Variants in MTOR observed in about 807,000 individuals in gnomAD.
MTOR encodes the protein mechanistic target of rapamycin kinase.
A neutral mutation model predicts 319.8 loss-of-function variants in MTOR; 70 were observed. The observed-to-expected ratio is 0.22, with a 90% CI of 0.18 to 0.27. The LOEUF (loss-of-function observed/expected upper bound fraction) is 0.27. MTOR is among the 10% of genes least tolerant of loss of function. The probability of loss-of-function intolerance (pLI) is 1.00; values close to 1 mark genes in which losing one functional copy is unlikely to be tolerated. For missense variants in MTOR, 1,890 were observed against 3,274.4 expected (o/e 0.58, Z 10.32); for synonymous variants, 1,183 against 1,211.4 (o/e 0.98, Z 0.49).
At chr1:11,122,502 ATT>A (rs35016135) in intron 47 of MTOR, among the ~76,000 whole-genome samples, 20 of 78,716 alleles carry the variant, frequency 2.5e-4, no homozygotes, top group South Asian at 2.0e-3. Flanking sequence ...ACCCAGCCCT[ATT>A]TTTTTTTTTT....
In MTOR at chr1:11,199,806, A is replaced by C; in HGVS notation, c.3945-103T>G. On this transcript the variant is annotated intron_variant, in intron 26 of 57. Coordinates refer to ENST00000361445, the MANE Select transcript of MTOR (RefSeq NM_004958.4). This position sits in a 1 kb window ranked among gnomAD's most constrained non-coding sequence, Gnocchi z 4.5. Reference sequence around the variant, plus strand: ...GCTTTTGGCATCACTGATTTTGGTTATACAAACCAGTGCTATACAGACCAG... The same window carrying C: ...GCTTTTGGCATCACTGATTTTGGTTCTACAAACCAGTGCTATACAGACCAG... 1.6e-6 allele frequency: 2 copies of C among 1,268,280 alleles called. No individual in the cohort carries two copies. The highest frequency in any genetic ancestry group is 2.7e-4 in the Middle Eastern group (1 of 3,738). The allele number at this position is 1,268,280 out of a possible 1,614,324, so 78.6% of individuals were successfully genotyped here. A position where few individuals can be genotyped will look rare whatever the true frequency, so the allele number is the denominator to read the frequency against.
intron 28 of MTOR, among the ~76,000 whole-genome samples, chr1:11,179,849 A>G (rs998055636): frequency 6.6e-5 from 10 of 152,200 alleles, no homozygotes; most frequent in African/African-American, 2.4e-4. Context: ...TCTACAAAGG[A>G]CACAGATTCT....
chr1:11,256,339 G>A (rs1297383323), intron 4 of MTOR, 147 bp from the exon 5 acceptor site: 2 of 1,443,152 alleles, frequency 1.4e-6, no homozygotes, highest in East Asian at 5.0e-5. Flanking sequence ...GAGGACAGAG[G>A]AAGGAAAGCA....
intron 28 of MTOR, among the ~76,000 whole-genome samples, chr1:11,176,897 C>T (rs981184103): frequency 6.6e-6 from 1 of 152,140 alleles, no homozygotes; most frequent in Admixed American, 6.6e-5. Flanking sequence ...AATCTGGGAA[C>T]AGGAGAATGG....
At chr1:11,249,796 GAA>G (rs550580427) in intron 6 of MTOR, among the ~76,000 whole-genome samples, 5,555 of 146,542 alleles carry the variant, frequency 0.038, 100 homozygotes, top group South Asian at 0.089. Context: ...AGAACAAAAT[GAA>G]AAGTCTCCCA....
At chr1:11,180,365 C>G (rs150326326) in intron 28 of MTOR, among the ~76,000 whole-genome samples, 83 of 152,290 alleles carry the variant, frequency 5.5e-4, no homozygotes, top group African/African-American at 1.9e-3. Flanking sequence ...AATATTGGCA[C>G]CCTGGAAACA....
chr1:11,119,739 T>C (rs1436223495), intron 49 of MTOR, among the ~76,000 whole-genome samples: 3 of 149,118 alleles, frequency 2.0e-5, no homozygotes, highest in Non-Finnish European at 3.0e-5. Context: ...GAGTAAGACC[T>C]TGTCTCAAAA....
At position 11,228,746 on chromosome 1, in the gene MTOR, G is replaced by T. The variant is rs761580064; in HGVS notation, c.2952C>A (p.Leu984=). 6.2e-7 allele frequency: 1 copy of T among 1,614,174 alleles called. No individual in the cohort carries two copies. The highest frequency in any genetic ancestry group is 2.2e-5 in the East Asian group (1 of 44,890). Residue 984 remains leucine, a synonymous_variant, in exon 19 of 58, where the codon CTC becomes CTA. Coordinates refer to ENST00000361445, the MANE Select transcript of MTOR (RefSeq NM_004958.4). ...AITFIFKSLG[L]KCVQFLPQVM... ...CCTGGGGCAGGAACTGCACACATTT[G>T]AGTCCCAGGGACTTGAAGATGAAGG...
intron 34 of MTOR, among the ~76,000 whole-genome samples, chr1:11,140,575 A>G (rs1452244812): frequency 6.6e-6 from 1 of 152,120 alleles, no homozygotes; most frequent in Non-Finnish European, 1.5e-5. Context: ...GCAGTTTGAG[A>G]GATGGTATAG....
chr1:11,151,120 C>T (rs1357758130), intron 30 of MTOR, among the ~76,000 whole-genome samples: 1 of 152,162 alleles, frequency 6.6e-6, no homozygotes, highest in Non-Finnish European at 1.5e-5. Context: ...CTGCTCTGCG[C>T]TCTAAGGTGG....
rs181108494 is a variant in MTOR at position 11,193,417 on chromosome 1, C to T, written c.4253+5841G>A. On this transcript the variant is annotated intron_variant, in intron 28 of 57. Transcript: ENST00000361445. ...GAGCAATGCACCACCCACCCCAGCT[C>T]ACCAGCAGTGGGGCAGCATCACTGC... 4.2e-3 allele frequency among the ~76,000 whole-genome samples: 640 copies of T among 152,340 alleles called. 6 individuals carry two copies. The highest frequency in any genetic ancestry group is 0.015 in the African/African-American group (603 of 41,584).
intron 34 of MTOR, among the ~76,000 whole-genome samples, chr1:11,143,097 C>T (rs1400213099): frequency 6.6e-6 from 1 of 152,152 alleles, no homozygotes; most frequent in East Asian, 1.9e-4. Flanking sequence ...ACAATGATTT[C>T]GAAAGTTAAA....
At chr1:11,138,969 GTATT>G (rs2100474413) in intron 36 of MTOR, 1 of 243,654 alleles carries the variant, frequency 4.1e-6, no homozygotes, top group South Asian at 1.1e-4. Flanking sequence ...TCTAGTCTGT[GTATT>G]TACAAATCTG....
Position 11,109,822 on chromosome 1 carries a change from A to T in MTOR, c.7367-93T>A. The T allele has an allele frequency of 9.4e-7, 1 of 1,064,514 alleles. No homozygotes were observed. Among genetic ancestry groups the T allele is most frequent in the South Asian group, 1.3e-5 (1 of 78,826 alleles). 65.9% of individuals were successfully genotyped at this position (1,064,514 alleles called of 1,614,324 possible). A position where few individuals can be genotyped will look rare whatever the true frequency, so the allele number is the denominator to read the frequency against. Reference sequence around the variant, plus strand: ...AATTCTCTACGCACTCTATTCCTTTAACGCCTGCCCTACCTACCCTAAAGG... The same window carrying T: ...AATTCTCTACGCACTCTATTCCTTTTACGCCTGCCCTACCTACCCTAAAGG... On this transcript the variant is annotated intron_variant, in intron 54 of 57. Coordinates refer to ENST00000361445, the MANE Select transcript of MTOR (RefSeq NM_004958.4). The surrounding 1 kb of genome is among the most constrained non-coding windows in gnomAD (Gnocchi z 4.0).
chr1:11,157,124 A>G, intron 30 of MTOR, 28 bp downstream of exon 30: 2 of 1,567,478 alleles, frequency 1.3e-6, no homozygotes, highest in Non-Finnish European at 1.7e-6. Context: ...TCTTGCAGCC[A>G]CACATGCCAT....
At chr1:11,107,537 T>C (rs1641635903) in intron 57 of MTOR, 37 bp from the exon 58 acceptor site, 1 of 1,608,320 alleles carries the variant, frequency 6.2e-7, no homozygotes, top group South Asian at 1.1e-5. Context: ...TTTTAATAAT[T>C]TGAGCTTCTT....
chr1:11,213,682 A>G, intron 20 of MTOR, 116 bp from the exon 21 acceptor site: 1 of 955,138 alleles, frequency 1.0e-6, no homozygotes, highest in Non-Finnish European at 1.6e-6. Flanking sequence ...CTGCGCCGAG[A>G]TCAACTCCTC....
In MTOR at chr1:11,209,438, T is replaced by G; in HGVS notation, c.3675A>C (p.Glu1225Asp). Residue 1225 changes from glutamate to aspartate, a missense_variant, in exon 25 of 58, where the codon GAA becomes GAC. Glu to Asp is a conservative substitution (Grantham distance 45). Coordinates refer to ENST00000361445, the MANE Select transcript of MTOR (RefSeq NM_004958.4). Reference sequence around the variant, plus strand: ...GCTGGTAAATCAAAGGATCCTCCTCTTCATCAGCAAGTGTGTATCCCTACA... The same window carrying G: ...GCTGGTAAATCAAAGGATCCTCCTCGTCATCAGCAAGTGTGTATCCCTACA... ...RIVKGYTLADEEEDPLIYQHR... is the reference protein window; with the variant it reads ...RIVKGYTLADDEEDPLIYQHR... 6.2e-7 allele frequency: 1 copy of G among 1,614,178 alleles called. No homozygotes were observed. Among genetic ancestry groups the G allele is most frequent in the Non-Finnish European group, 8.5e-7 (1 of 1,180,026 alleles).
intron 46 of MTOR, 100 bp from the exon 47 acceptor site, chr1:11,124,733 C>T: frequency 7.7e-7 from 1 of 1,290,412 alleles, no homozygotes; most frequent in Non-Finnish European, 1.0e-6. Context: ...CTACATATGC[C>T]TTACCTAATC....
Sources: gnomAD v4.1 joint callset for allele counts (sites outside exome capture counted in the v4.1 genomes callset) on GRCh38, gnomAD v4.1.1 for gene constraint, Gnocchi (gnomAD v3.1) non-coding constraint, MANE v1.5 for transcripts, NCBI Gene and HGNC (gene_info 2026-07-23, HGNC 2026-07-21) for gene names.